HS6ST1: variants seen among roughly 807,000 people sequenced by gnomAD.
The protein encoded by HS6ST1 is heparan sulfate 6-O-sulfotransferase 1.
In HS6ST1, 3 loss-of-function variants were observed where a neutral mutation model predicts 25.2. That is an observed-to-expected ratio of 0.12 (90% CI 0.05 to 0.31). The LOEUF (loss-of-function observed/expected upper bound fraction) is 0.31. HS6ST1 is among the 10% of genes least tolerant of loss of function. The probability of loss-of-function intolerance (pLI) is 1.00; values close to 1 mark genes in which losing one functional copy is unlikely to be tolerated. For missense variants in HS6ST1, 310 were observed against 609.6 expected (o/e 0.51, Z 5.18); for synonymous variants, 204 against 275.1 (o/e 0.74, Z 2.56).
intron 1 of HS6ST1, among the ~76,000 whole-genome samples, chr2:128,294,120 C>T (rs908803425): frequency 1.3e-5 from 2 of 152,208 alleles, no homozygotes; most frequent in African/African-American, 4.8e-5. Flanking sequence ...CTGCCCCAAA[C>T]TCCATGAAGC....
chr2:128,310,975 T>G (rs1410285581), intron 1 of HS6ST1, among the ~76,000 whole-genome samples: 1 of 148,784 alleles, frequency 6.7e-6, no homozygotes. Context: ...GAAACCCAAC[T>G]GTGCTTTCTG....
rs150624164 is a variant in HS6ST1, at chr2:128,287,414, C to T, written c.528-18544G>A. 2.0e-5 allele frequency among the ~76,000 whole-genome samples: 3 copies of T among 152,322 alleles called. No homozygotes were observed. In the East Asian group the frequency reaches 5.8e-4, roughly 29 times the overall value. ...GACCCCCAGCAGGTCCCCTGACGGG[C>T]TGCTTCTCCAACAGCACTGAAGTGG... On this transcript the variant is annotated intron_variant, in intron 1 of 1. Coordinates refer to ENST00000259241, the MANE Select transcript of HS6ST1 (RefSeq NM_004807.3).
chr2:128,273,168 A>G (rs1231189507), intron 1 of HS6ST1, among the ~76,000 whole-genome samples: 1 of 152,190 alleles, frequency 6.6e-6, no homozygotes, highest in East Asian at 1.9e-4. Context: ...CTTGTAATAA[A>G]ATGGCGCAAC....
intron 1 of HS6ST1, among the ~76,000 whole-genome samples, chr2:128,305,400 G>A (rs1266584048): frequency 1.3e-5 from 2 of 152,186 alleles, no homozygotes; most frequent in Non-Finnish European, 2.9e-5. Flanking sequence ...GCCGACAAGC[G>A]GCCCTGCCTG....
chr2:128,304,059 A>C (rs1694171625), intron 1 of HS6ST1, among the ~76,000 whole-genome samples: 1 of 152,166 alleles, frequency 6.6e-6, no homozygotes, highest in African/African-American at 2.4e-5. Flanking sequence ...TCTGGGACCT[A>C]ACACCACAGC....
At chr2:128,292,461 CTG>C (rs1323681939) in intron 1 of HS6ST1, among the ~76,000 whole-genome samples, 1 of 152,228 alleles carries the variant, frequency 6.6e-6, no homozygotes. Flanking sequence ...CTGGAGAAGA[CTG>C]TGCTCCTCAC....
At chr2:128,288,091 C>A (rs547413161) in intron 1 of HS6ST1, among the ~76,000 whole-genome samples, 2 of 152,336 alleles carry the variant, frequency 1.3e-5, no homozygotes, top group South Asian at 2.1e-4. Flanking sequence ...CGGGCTGGCT[C>A]GGCCTGAGAC....
At chr2:128,296,906 A>C (rs953507499) in intron 1 of HS6ST1, among the ~76,000 whole-genome samples, 1 of 152,200 alleles carries the variant, frequency 6.6e-6, no homozygotes, top group Non-Finnish European at 1.5e-5. Context: ...TTGAATAGCT[A>C]AAGTACTTGA....
At chr2:128,276,484 G>C (rs753984923) in intron 1 of HS6ST1, among the ~76,000 whole-genome samples, 3 of 152,118 alleles carry the variant, frequency 2.0e-5, no homozygotes, top group Non-Finnish European at 1.5e-5. Flanking sequence ...TCAAGTCAGA[G>C]GCTAGCCCTG....
Position 128,268,269 on chromosome 2 carries a change from C to T in HS6ST1, c.1129G>A (p.Glu377Lys). 2 of 1,612,234 alleles carry T rather than the reference C, an allele frequency of 1.2e-6. No individual in the cohort carries two copies. The highest frequency in any genetic ancestry group is 2.2e-5 in the South Asian group (2 of 91,034). ...RREQRLRSRE[E>K]RLLHRAKEAL... is the part of the protein sequence containing the mutation. ...TCCTTGGCCCGGTGCAGCAGACGCT[C>T]CTCGCGGCTCCTCAGGCGCTGCTCC... Residue 377 changes from glutamate (E) to lysine (K), a missense_variant, in exon 2 of 2, where the codon GAG (glutamate) becomes AAG (lysine). Glu to Lys is a moderately conservative substitution (Grantham distance 56). Around this residue, in one of 5 missense-constraint regions of HS6ST1, gnomAD observed 140 missense variants for 176.5 expected, o/e 0.79. Coordinates refer to ENST00000259241, the MANE Select transcript of HS6ST1 (RefSeq NM_004807.3).
intron 1 of HS6ST1, among the ~76,000 whole-genome samples, chr2:128,297,018 C>T (rs1439567978): frequency 1.3e-5 from 2 of 152,128 alleles, no homozygotes; most frequent in African/African-American, 2.4e-5. Flanking sequence ...GCCAGGTTCA[C>T]ATCACTGCAC....
At position 128,302,795 on chromosome 2, in the gene HS6ST1, C is replaced by A. The variant is rs191028632; in HGVS notation, c.527+15242G>T. ...TTCCAACGGCTCTGTGGTGGGGCCT[C>A]TTCCGCAACGGCCCCCATCTGAGTC... is the stretch of plus-strand genomic sequence containing the variant. On this transcript the variant is annotated intron_variant, in intron 1 of 1. Transcript: ENST00000259241. 3.4e-3 allele frequency among the ~76,000 whole-genome samples: 520 copies of A among 152,306 alleles called. 3 individuals carry two copies. Among genetic ancestry groups the A allele is most frequent in the Non-Finnish European group, 5.6e-3 (384 of 68,026 alleles).
At chr2:128,286,624 A>G (rs1693866484) in intron 1 of HS6ST1, among the ~76,000 whole-genome samples, 1 of 152,240 alleles carries the variant, frequency 6.6e-6, no homozygotes. Context: ...CTGCTATTAA[A>G]TGGTGGGAAA....
At chr2:128,273,932 G>A (rs1163982025) in intron 1 of HS6ST1, among the ~76,000 whole-genome samples, 1 of 152,168 alleles carries the variant, frequency 6.6e-6, no homozygotes, top group African/African-American at 2.4e-5. Flanking sequence ...TGGCTCAGAG[G>A]TTTGAGGAAT....
intron 1 of HS6ST1, among the ~76,000 whole-genome samples, chr2:128,302,521 A>C (rs1298910316): frequency 6.6e-6 from 1 of 152,028 alleles, no homozygotes; most frequent in African/African-American, 2.4e-5. Flanking sequence ...GGGTGGACCC[A>C]GTCCTCTCTT....
intron 1 of HS6ST1, among the ~76,000 whole-genome samples, chr2:128,279,576 A>G (rs1452282486): frequency 6.6e-6 from 1 of 152,048 alleles, no homozygotes; most frequent in Non-Finnish European, 1.5e-5. Flanking sequence ...GGGTCCCACC[A>G]TGAGGACAGA....
At chr2:128,296,111 C>T (rs1464585071) in intron 1 of HS6ST1, among the ~76,000 whole-genome samples, 1 of 152,204 alleles carries the variant, frequency 6.6e-6, no homozygotes, top group Non-Finnish European at 1.5e-5. Flanking sequence ...CTCACCAGTT[C>T]CACATCTGCT....
chr2:128,282,129 T>C (rs746282235), intron 1 of HS6ST1, among the ~76,000 whole-genome samples: 1 of 152,236 alleles, frequency 6.6e-6, no homozygotes, highest in Admixed American at 6.5e-5. Context: ...TGCTGACTAC[T>C]GCCCAAACCA....
rs1693565459 is a variant in HS6ST1, at chr2:128,268,699, G to A, written c.699C>T (p.Cys233=). ...GGCAGTCCATGAACTCCTGTAGCGTGCAGCCCGACCAGTCCGTGCCCTCGT... is the reference window on the plus strand; with the variant it reads ...GGCAGTCCATGAACTCCTGTAGCGTACAGCCCGACCAGTCCGTGCCCTCGT... ...PCYEGTDWSG[C]TLQEFMDCPY... is the part of the protein sequence containing the mutation. Residue 233 remains cysteine, a synonymous_variant, in exon 2 of 2, where the codon TGC becomes TGT. Coordinates refer to ENST00000259241, the MANE Select transcript of HS6ST1 (RefSeq NM_004807.3). The A allele has an allele frequency of 6.2e-7, 1 of 1,611,904 alleles. No homozygotes were observed. Among genetic ancestry groups the A allele is most frequent in the African/African-American group, 1.3e-5 (1 of 74,888 alleles).
Sources: allele counts gnomAD v4.1 joint callset (sites outside exome capture counted in the v4.1 genomes callset), GRCh38; gene constraint gnomAD v4.1.1; regional missense constraint gnomAD v4.1.1; transcripts MANE v1.5; gene names NCBI Gene and HGNC (gene_info 2026-07-23, HGNC 2026-07-21).